OR51B5: variants seen among roughly 807,000 people sequenced by gnomAD.
OR51B5 encodes olfactory receptor family 51 subfamily B member 5.
For synonymous variants in OR51B5, 186 were observed against 144.8 expected (o/e 1.28, Z -2.04); for missense variants, 456 against 374.6 (o/e 1.22, Z -1.79).
intron 1 of OR51B5, chr11:5,454,501 A>G: frequency 8.3e-7 from 1 of 1,205,824 alleles, no homozygotes; most frequent in Non-Finnish European, 1.2e-6. Flanking sequence ...CATCATCATC[A>G]AAGTATAAGA....
chr11:5,433,011 T>C (rs7940644), intron 1 of OR51B5, among the ~76,000 whole-genome samples: 10,984 of 152,198 alleles, frequency 0.072, 455 homozygotes, highest in African/African-American at 0.099. Context: ...AAAGTGAGAC[T>C]ATGGTTTTAA....
chr11:5,398,420 C>G (rs1287273499), intron 1 of OR51B5, among the ~76,000 whole-genome samples: 2 of 152,058 alleles, frequency 1.3e-5, no homozygotes, highest in African/African-American at 4.8e-5. Context: ...AGACTCTGAT[C>G]AGCTTTTTCA....
intron 1 of OR51B5, among the ~76,000 whole-genome samples, chr11:5,377,567 G>A (rs953647551): frequency 9.2e-5 from 14 of 152,016 alleles, no homozygotes; most frequent in Non-Finnish European, 2.1e-4. Context: ...AAACCCCCTT[G>A]TCTCAGCCCA....
intron 1 of OR51B5, among the ~76,000 whole-genome samples, chr11:5,463,152 AAATAG>A (rs745783988): frequency 5.3e-5 from 8 of 152,260 alleles, no homozygotes; most frequent in East Asian, 1.9e-4. Context: ...AATATGTATG[AAATAG>A]AATAAATTAT....
intron 1 of OR51B5, among the ~76,000 whole-genome samples, chr11:5,443,324 G>A (rs1850718518): frequency 6.6e-6 from 1 of 152,034 alleles, no homozygotes; most frequent in Non-Finnish European, 1.5e-5. Context: ...ATATATATAG[G>A]TAGTGAGAAG....
chr11:5,451,832 C>T (rs933735618), intron 1 of OR51B5, among the ~76,000 whole-genome samples: 1 of 152,126 alleles, frequency 6.6e-6, no homozygotes, highest in Non-Finnish European at 1.5e-5. Context: ...TGAGGGTGAC[C>T]TATTAGCTTG....
At chr11:5,440,799 GC>G (rs1328167743) in intron 1 of OR51B5, 1 of 1,613,880 alleles carries the variant, frequency 6.2e-7, no homozygotes, top group Non-Finnish European at 8.5e-7. Flanking sequence ...GGTGTTGAGT[GC>G]CTTGAGCCGC....
At chr11:5,436,964 A>G (rs1850603603) in intron 1 of OR51B5, among the ~76,000 whole-genome samples, 1 of 152,100 alleles carries the variant, frequency 6.6e-6, no homozygotes, top group African/African-American at 2.4e-5. Flanking sequence ...GGCTGCCTTT[A>G]TGCCTCTGCG....
At chr11:5,406,506 A>G (rs541686691) in intron 1 of OR51B5, among the ~76,000 whole-genome samples, 39 of 152,270 alleles carry the variant, frequency 2.6e-4, no homozygotes, top group African/African-American at 7.9e-4. Context: ...TTTATATTCT[A>G]TGCTAACTTA....
At chr11:5,459,605 G>C (rs1209763074) in intron 1 of OR51B5, among the ~76,000 whole-genome samples, 1 of 152,060 alleles carries the variant, frequency 6.6e-6, no homozygotes, top group Non-Finnish European at 1.5e-5. Context: ...AGATATACAG[G>C]TGGCCAAGAA....
chr11:5,381,166 TC>T (rs1238616134), intron 1 of OR51B5, among the ~76,000 whole-genome samples: 2 of 105,300 alleles, frequency 1.9e-5, no homozygotes, highest in South Asian at 4.3e-4. Flanking sequence ...TGTTTCTCTC[TC>T]TCTCTCTCAC....
intron 1 of OR51B5, among the ~76,000 whole-genome samples, chr11:5,401,844 CTTTTT>C (rs1849972623): frequency 1.7e-5 from 1 of 58,458 alleles, no homozygotes; most frequent in Non-Finnish European, 6.3e-5. Flanking sequence ...TTCCTTCCCT[CTTTTT>C]CTTCTGCTTT....
intron 1 of OR51B5, among the ~76,000 whole-genome samples, chr11:5,374,080 C>A (rs1230374323): frequency 6.6e-6 from 1 of 152,138 alleles, no homozygotes; most frequent in Non-Finnish European, 1.5e-5. Flanking sequence ...GGAGGCACCC[C>A]CAAGTAAGGG....
intron 1 of OR51B5, among the ~76,000 whole-genome samples, chr11:5,387,483 G>T (rs1258746110): frequency 1.3e-5 from 2 of 151,866 alleles, no homozygotes; most frequent in Non-Finnish European, 2.9e-5. Context: ...CCAAAGTGAT[G>T]TAAGCCTTAT....
intron 1 of OR51B5, among the ~76,000 whole-genome samples, chr11:5,477,698 G>C (rs1216514987): frequency 6.6e-6 from 1 of 152,158 alleles, no homozygotes; most frequent in African/African-American, 2.4e-5. Context: ...TGCCTCACTT[G>C]GGAAGCACAA....
intron 1 of OR51B5, among the ~76,000 whole-genome samples, chr11:5,415,944 G>A (rs1447281577): frequency 6.8e-6 from 1 of 146,336 alleles, no homozygotes; most frequent in Non-Finnish European, 1.5e-5. Context: ...GCATCATCCT[G>A]ATACCAAAGC....
At chr11:5,441,276 A>G in intron 1 of OR51B5, 1 of 1,613,956 alleles carries the variant, frequency 6.2e-7, no homozygotes, top group South Asian at 1.1e-5. Flanking sequence ...CACAGTGGGA[A>G]GTGTAGAAAA....
chr11:5,361,574 C>T (rs12802814), intron 1 of OR51B5, among the ~76,000 whole-genome samples: 57,598 of 151,802 alleles, frequency 0.38, 11,138 homozygotes, highest in Non-Finnish European at 0.41. Context: ...GTTGGCTTAT[C>T]AGAGATTGCA....
At chr11:5,441,492 G>A (rs377352485) in intron 1 of OR51B5, 3 of 1,612,288 alleles carry the variant, frequency 1.9e-6, no homozygotes, top group South Asian at 2.2e-5. Flanking sequence ...TGGCTGGAAG[G>A]GGGTGCCATT....
Sources: gnomAD v4.1 joint callset for allele counts (sites outside exome capture counted in the v4.1 genomes callset) on GRCh38, gnomAD v4.1.1 for gene constraint, MANE v1.5 for transcripts, NCBI Gene and HGNC (gene_info 2026-07-23, HGNC 2026-07-21) for gene names.